ACSF3: variants seen among roughly 807,000 people sequenced by gnomAD.
ACSF3 encodes acyl-CoA synthetase family member 3, also known as malonate--CoA ligase ACSF3, mitochondrial.
In ACSF3, 78 loss-of-function variants were observed where a neutral mutation model predicts 53.2. The ratio of observed to expected loss-of-function variants is 1.47; its 90% CI spans 1.22 to 1.77. The LOEUF (loss-of-function observed/expected upper bound fraction) is 1.77. Ranked by LOEUF, ACSF3 falls within the 40% of genes most tolerant of loss-of-function variation. The pLI, the probability that ACSF3 is intolerant of heterozygous loss-of-function variation, is 0.00. For missense variants in ACSF3, 937 were observed against 771.1 expected (o/e 1.22, Z -2.55); for synonymous variants, 414 against 333.1 (o/e 1.24, Z -2.65).
intron 7 of ACSF3, among the ~76,000 whole-genome samples, chr16:89,123,008 G>C (rs1907031244): frequency 6.6e-6 from 1 of 152,214 alleles, no homozygotes; most frequent in Non-Finnish European, 1.5e-5. Flanking sequence ...CATGCAGGCA[G>C]ACCCTGCAAG....
chr16:89,151,961 G>A (rs910757520), intron 10 of ACSF3: 2 of 152,188 alleles, frequency 1.3e-5, no homozygotes, highest in South Asian at 4.1e-4. Context: ...TACAGAAAAA[G>A]CATTTGCAAA....
At chr16:89,144,514 G>GC (rs1367185815) in intron 8 of ACSF3, among the ~76,000 whole-genome samples, 2 of 152,222 alleles carry the variant, frequency 1.3e-5, no homozygotes, top group Non-Finnish European at 2.9e-5. Flanking sequence ...GAGGGGCTGG[G>GC]CATTCACTGC....
intron 10 of ACSF3, chr16:89,152,649 T>C (rs554949769): frequency 1.8e-4 from 28 of 152,262 alleles, no homozygotes; most frequent in African/African-American, 5.5e-4. Context: ...ACACTGTACA[T>C]AGGACAGCTG....
At chr16:89,104,341 G>C (rs1975718060) in intron 4 of ACSF3, among the ~76,000 whole-genome samples, 1 of 152,248 alleles carries the variant, frequency 6.6e-6, no homozygotes, top group African/African-American at 2.4e-5. Context: ...CTGGGACTGG[G>C]CTCTTGGTCT....
At chr16:89,138,345 C>T (rs1347057547) in intron 8 of ACSF3, among the ~76,000 whole-genome samples, 1 of 152,206 alleles carries the variant, frequency 6.6e-6, no homozygotes, top group Non-Finnish European at 1.5e-5. Context: ...GTCTCATTGA[C>T]CAAAACCCTC....
At chr16:89,120,529 G>A (rs954603092) in intron 6 of ACSF3, among the ~76,000 whole-genome samples, 2 of 152,254 alleles carry the variant, frequency 1.3e-5, no homozygotes, top group Non-Finnish European at 2.9e-5. Context: ...CAGGCCCAGC[G>A]TGCCACGTGA....
At chr16:89,145,737 G>T (rs997159272) in intron 9 of ACSF3, among the ~76,000 whole-genome samples, 2 of 152,186 alleles carry the variant, frequency 1.3e-5, no homozygotes, top group African/African-American at 2.4e-5. Context: ...CCAGTCCCCA[G>T]ATCCACCGTG....
rs187380588 is a variant in ACSF3 at position 89,129,395 on chromosome 16, C to G, written c.1240-3741C>G. On this transcript the variant is annotated intron_variant, in intron 7 of 10. Coordinates refer to ENST00000614302, the MANE Select transcript of ACSF3 (RefSeq NM_001243279.3). ...TAACATTTAATGCTCTGGTAATGCT[C>G]TTTGCTCTTAAGTTTACTTTGATAT... Among the ~76,000 whole-genome samples, 8 of 152,010 alleles carry G rather than the reference C, an allele frequency of 5.3e-5. 1 individual carries two copies. Among genetic ancestry groups the G allele is most frequent in the Admixed American group, 2.6e-4 (4 of 15,264 alleles).
Position 89,103,625 on chromosome 16 carries a change from G to A in ACSF3, c.822+866G>A, listed in dbSNP as rs551497416. On this transcript the variant is annotated intron_variant, in intron 4 of 10. Coordinates refer to ENST00000614302, the MANE Select transcript of ACSF3 (RefSeq NM_001243279.3). ...AGGTGACACATTCGGGGTGTAGGGC[G>A]TAGGGCGTGACCCTTTGAGCTATGA... Among the ~76,000 whole-genome samples the A allele has an allele frequency of 2.0e-5, 3 of 152,320 alleles. No homozygotes were observed. In the South Asian group the frequency reaches 6.2e-4, roughly 32 times the overall value.
Position 89,101,033 on chromosome 16 carries a change from AGTG to A in ACSF3, c.354_356del (p.Gly120del), listed in dbSNP as rs1368566048. 8.7e-6 allele frequency: 14 copies of A among 1,613,794 alleles called. No individual in the cohort carries two copies. Among genetic ancestry groups the A allele is most frequent in the Non-Finnish European group, 1.2e-5 (14 of 1,179,922 alleles). ...CGTGGCCCAGTGGGCGTCATGGATG[AGTG>A]GCGGTGTGGCAGTCCCCCTCTACAG... On this transcript the variant is annotated inframe_deletion, in exon 3 of 11. Coordinates refer to ENST00000614302, the MANE Select transcript of ACSF3 (RefSeq NM_001243279.3).
At chr16:89,136,418 T>G (rs1345023778) in intron 8 of ACSF3, 15 of 929,480 alleles carry the variant, frequency 1.6e-5, no homozygotes, top group East Asian at 6.3e-5. Context: ...CCGCATGTCT[T>G]TGTCACAGGC....
chr16:89,122,496 C>T, intron 7 of ACSF3: 2 of 405,514 alleles, frequency 4.9e-6, no homozygotes, highest in South Asian at 3.6e-5. Flanking sequence ...CCCTTCCTGG[C>T]TCTCAAGTCT....
chr16:89,100,476 A>G, intron 2 of ACSF3, 186 bp from the exon 3 acceptor site: 1 of 609,796 alleles, frequency 1.6e-6, no homozygotes, highest in Non-Finnish European at 2.9e-6. Flanking sequence ...GATGCTGGGC[A>G]CGTACGGAAC....
chr16:89,142,064 A>G (rs1294561538), intron 8 of ACSF3, among the ~76,000 whole-genome samples: 1 of 151,928 alleles, frequency 6.6e-6, no homozygotes, highest in Non-Finnish European at 1.5e-5. Flanking sequence ...GAATGGCACC[A>G]TGTTGCGCGC....
intron 7 of ACSF3, among the ~76,000 whole-genome samples, chr16:89,131,171 T>A (rs2151514173): frequency 7.4e-6 from 1 of 134,906 alleles, no homozygotes; most frequent in Admixed American, 7.9e-5. Flanking sequence ...TCTCACTCCG[T>A]CACCTAGGCT....
rs1245396141 is a variant in ACSF3, at chr16:89,097,774, AG to A, written c.-193-814del. Reference sequence around the variant, plus strand: ...CTGCCCTGCCTCTGAACAGCTGTGGAGGGCTTCTAGAACATGGGTGCCTCGC... The same window carrying A: ...CTGCCCTGCCTCTGAACAGCTGTGGAGGCTTCTAGAACATGGGTGCCTCGC... On this transcript the variant is annotated intron_variant, in intron 1 of 10. Transcript: ENST00000614302. 2.2e-4 allele frequency among the ~76,000 whole-genome samples: 3 copies of A among 13,460 alleles called. No individual in the cohort carries two copies. In the Admixed American group the frequency reaches 4.2e-3, roughly 19 times the overall value. The allele number at this position is 13,460 out of a possible 152,430, so 8.8% of individuals were successfully genotyped here.
chr16:89,106,058 G>A lies in ACSF3; in HGVS notation c.822+3299G>A, dbSNP rs552188966. Among the ~76,000 whole-genome samples the A allele has an allele frequency of 2.0e-5, 3 of 152,346 alleles. No individual in the cohort carries two copies. In the South Asian group the frequency reaches 6.2e-4, roughly 32 times the overall value. On this transcript the variant is annotated intron_variant, in intron 4 of 10. Coordinates refer to ENST00000614302, the MANE Select transcript of ACSF3 (RefSeq NM_001243279.3). ...GTCTCTGCCCAGGGGCATCTGCCAG[G>A]GGGTCCCTGCCTTGGGGTCTGTGTC...
intron 4 of ACSF3, among the ~76,000 whole-genome samples, chr16:89,109,229 C>CAAAAAAAAAA (rs773650798): frequency 2.3e-4 from 16 of 68,398 alleles, no homozygotes; most frequent in Admixed American, 3.6e-4. Context: ...AAGACTGTCT[C>CAAAAAAAAAA]AAAAAAAAAA....
intron 10 of ACSF3, 149 bp downstream of exon 10, chr16:89,146,198 G>C (rs936518882): frequency 1.6e-6 from 1 of 627,012 alleles, no homozygotes; most frequent in African/African-American, 1.8e-5. Flanking sequence ...AGACCTGAAG[G>C]CCGCACACAG....
Sources: allele counts gnomAD v4.1 joint callset (sites outside exome capture counted in the v4.1 genomes callset), GRCh38; gene constraint gnomAD v4.1.1; transcripts MANE v1.5; gene names NCBI Gene and HGNC (gene_info 2026-07-23, HGNC 2026-07-21).